The following PPP2R2C variants were observed in gnomAD, a reference collection of about 807,000 sequenced individuals.
The protein encoded by PPP2R2C is protein phosphatase 2 regulatory subunit Bgamma, also known as protein phosphatase 2, regulatory subunit B, gamma.
In PPP2R2C, 10 loss-of-function variants were observed where a neutral mutation model predicts 45.3. The ratio of observed to expected loss-of-function variants is 0.22; its 90% CI spans 0.14 to 0.37. The LOEUF is 0.37. PPP2R2C is among the 10% of genes least tolerant of loss of function. PPP2R2C has a pLI of 1.00. For synonymous variants in PPP2R2C, 257 were observed against 245.4 expected, an observed-to-expected ratio of 1.05 and a Z score of -0.44; for missense variants, 308 against 619.7, an observed-to-expected ratio of 0.50 and a Z score of 5.34.
chr4:6,473,740 C>T (rs62284534), upstream of PPP2R2C, among the ~76,000 whole-genome samples: 35,889 of 152,182 alleles, frequency 0.24, 5,029 homozygotes, highest in Non-Finnish European at 0.33. Flanking sequence ...AGTCCAAAGG[C>T]GTTGGGGGCA....
chr4:6,512,491 ATGGTGGTGG>A (rs1222316344), intron 2 of PPP2R2C, among the ~76,000 whole-genome samples: 1 of 16,714 alleles, frequency 6.0e-5, no homozygotes, highest in Non-Finnish European at 1.3e-4. Context: ...GGTGATGGTG[ATGGTGGTGG>A]TGGTGGTGAT....
At chr4:6,361,010 C>T (rs942255897) in intron 5 of PPP2R2C, among the ~76,000 whole-genome samples, 2 of 152,156 alleles carry the variant, frequency 1.3e-5, no homozygotes, top group African/African-American at 4.8e-5. Flanking sequence ...ACCCTGCCAG[C>T]CTTATTTTAA....
At chr4:6,560,721 T>C (rs1171349450) in intron 1 of PPP2R2C, among the ~76,000 whole-genome samples, 2 of 152,228 alleles carry the variant, frequency 1.3e-5, no homozygotes, top group Non-Finnish European at 2.9e-5. Flanking sequence ...GGCCTCATGC[T>C]TGGAAGGGGC....
At chr4:6,416,883 G>T (rs117748477) in intron 1 of PPP2R2C, among the ~76,000 whole-genome samples, 25 of 152,212 alleles carry the variant, frequency 1.6e-4, no homozygotes, top group Admixed American at 1.6e-3. Context: ...CCCCCTGTCG[G>T]GGGGAGACTG....
intron 4 of PPP2R2C, among the ~76,000 whole-genome samples, chr4:6,374,620 T>C (rs546679736): frequency 1.3e-5 from 2 of 152,300 alleles, no homozygotes; most frequent in African/African-American, 2.4e-5. Context: ...ATTGACAAAG[T>C]AGAGAAAGGC....
intron 2 of PPP2R2C, among the ~76,000 whole-genome samples, chr4:6,488,345 A>T (rs969485398): frequency 3.9e-5 from 6 of 152,168 alleles, no homozygotes; most frequent in Non-Finnish European, 5.9e-5. Context: ...ATTCCTATAA[A>T]TATTCCTGAG....
At chr4:6,522,403 G>GC (rs765455706) in intron 2 of PPP2R2C, among the ~76,000 whole-genome samples, 1 of 152,128 alleles carries the variant, frequency 6.6e-6, no homozygotes. Context: ...TCCACAATGT[G>GC]CCCCCCCAGA....
rs545657556 is a variant in PPP2R2C, at chr4:6,385,070, G to A, written c.71-3976C>T. ...TCCAGGAATAATGAATCACCAAAATGTACTGGACAGAAACTAAAGCTCCCG... is the reference window on the plus strand; with the variant it reads ...TCCAGGAATAATGAATCACCAAAATATACTGGACAGAAACTAAAGCTCCCG... On this transcript the variant is annotated intron_variant, in intron 1 of 8. Coordinates refer to ENST00000382599, the MANE Select transcript of PPP2R2C (RefSeq NM_020416.4). Among the ~76,000 whole-genome samples the A allele has an allele frequency of 5.8e-4, 89 of 152,284 alleles. 1 individual carries two copies. The highest frequency in any genetic ancestry group is 2.1e-3 in the African/African-American group (87 of 41,562).
intron 1 of PPP2R2C, chr4:6,383,819 C>A (rs1360296424): frequency 2.0e-6 from 2 of 995,514 alleles, no homozygotes; most frequent in Non-Finnish European, 2.4e-6. Context: ...AGTAGCCAGG[C>A]CAGAGATATC....
At chr4:6,333,754 G>C (rs1440514589) in intron 6 of PPP2R2C, 23 bp from the exon 7 acceptor site, 3 of 1,613,608 alleles carry the variant, frequency 1.9e-6, no homozygotes, top group Non-Finnish European at 2.5e-6. Context: ...AGAAGCAATG[G>C]CCGTCACTGC....
At chr4:6,352,139 C>T (rs1399270029) in intron 5 of PPP2R2C, among the ~76,000 whole-genome samples, 1 of 152,126 alleles carries the variant, frequency 6.6e-6, no homozygotes, top group African/African-American at 2.4e-5. Flanking sequence ...GCATTTGGCC[C>T]AGTGACCACA....
intron 1 of PPP2R2C, chr4:6,381,640 G>T: frequency 6.7e-7 from 1 of 1,497,570 alleles, no homozygotes; most frequent in East Asian, 2.3e-5. Context: ...CTCCAGGCAG[G>T]CCTCTGGGAT....
chr4:6,542,709 A>AAG (rs1553908408), intron 1 of PPP2R2C, among the ~76,000 whole-genome samples: 1 of 127,836 alleles, frequency 7.8e-6, no homozygotes, highest in Non-Finnish European at 1.6e-5. Flanking sequence ...TCTCAAAAAA[A>AAG]AAAAAGAAAA....
chr4:6,457,187 G>A (rs368499069), intron 1 of PPP2R2C, among the ~76,000 whole-genome samples: 2 of 127,574 alleles, frequency 1.6e-5, no homozygotes, highest in African/African-American at 5.8e-5. Context: ...CGACCTGGGC[G>A]ACAGAGCGAG....
chr4:6,349,478 T>G (rs368954038), intron 5 of PPP2R2C: 4 of 985,326 alleles, frequency 4.1e-6, no homozygotes, highest in Non-Finnish European at 3.6e-6. Flanking sequence ...GTTTCCATTT[T>G]TATTATTTTC....
chr4:6,448,577 T>C (rs532774211), intron 1 of PPP2R2C, among the ~76,000 whole-genome samples: 1 of 152,004 alleles, frequency 6.6e-6, no homozygotes, highest in East Asian at 1.9e-4. Flanking sequence ...GGATCGCCCT[T>C]CTCTCCCTCC....
chr4:6,359,671 A>C (rs1418223217), intron 5 of PPP2R2C, among the ~76,000 whole-genome samples: 1 of 151,230 alleles, frequency 6.6e-6, no homozygotes, highest in Admixed American at 6.6e-5. Context: ...CCAGAGGCAC[A>C]GCCTGCTCTC....
rs578120417 is a variant in PPP2R2C at position 6,364,169 on chromosome 4, G to A, written c.625+8354C>T. Among the ~76,000 whole-genome samples, 3 of 152,330 alleles carry A rather than the reference G, an allele frequency of 2.0e-5. No individual in the cohort carries two copies. The East Asian group carries it at 5.8e-4, about 29-fold the overall frequency. On this transcript the variant is annotated intron_variant, in intron 5 of 8. Transcript: ENST00000382599. This position sits in a 1 kb window ranked among gnomAD's most constrained non-coding sequence, Gnocchi z 5.3. ...AGGGAGTCATGGAGGGGATGGACTA[G>A]TTCCGACAGACTGGTCAAGGAAGGC...
intron 2 of PPP2R2C, among the ~76,000 whole-genome samples, chr4:6,510,982 A>AAC (rs1553905397): frequency 1.3e-5 from 1 of 79,090 alleles, no homozygotes; most frequent in African/African-American, 3.7e-5. Context: ...GTCTCAAACA[A>AAC]AAAAAAACAA....
Sources: gnomAD v4.1 joint callset for allele counts (sites outside exome capture counted in the v4.1 genomes callset) on GRCh38, gnomAD v4.1.1 for gene constraint, Gnocchi (gnomAD v3.1) non-coding constraint, MANE v1.5 for transcripts, NCBI Gene and HGNC (gene_info 2026-07-23, HGNC 2026-07-21) for gene names.